Variants in RINT1 observed in about 807,000 individuals in gnomAD.
RINT1 encodes the protein RAD50-interacting protein 1.
In RINT1, 75 loss-of-function variants were observed where a neutral mutation model predicts 97.7. That is an observed-to-expected ratio of 0.77 (90% CI 0.64 to 0.93). RINT1 has a LOEUF of 0.93. RINT1 is among the 40% of genes least tolerant of loss of function. The probability of loss-of-function intolerance (pLI) is 0.00; values close to 1 mark genes in which losing one functional copy is unlikely to be tolerated. For missense variants in RINT1, 892 were observed against 925.2 expected (o/e 0.96, Z 0.47); for synonymous variants, 303 against 326.3 (o/e 0.93, Z 0.77).
chr7:105,532,342 C>G lies in RINT1; in HGVS notation c.27C>G (p.Ala9=), dbSNP rs1387923124. Residue 9 remains alanine, a synonymous_variant, in exon 1 of 15, where the codon GCC becomes GCG. Coordinates refer to ENST00000257700, the MANE Select transcript of RINT1 (RefSeq NM_021930.6). MLPAGEIG[A]SPAAPCCSES... ...TGCTACCAGCCGGCGAGATCGGCGC[C>G]TCTCCTGCAGCCCCGGTGAGACGGC... is the stretch of plus-strand genomic sequence containing the variant. 2 of 1,600,108 alleles carry G rather than the reference C, an allele frequency of 1.2e-6. No individual in the cohort carries two copies. Among genetic ancestry groups the G allele is most frequent in the Admixed American group, 3.4e-5 (2 of 58,592 alleles).
Position 105,563,801 on chromosome 7 carries a change from G to T in RINT1, c.1740G>T (p.Gln580His). 2 of 1,614,028 alleles carry T rather than the reference G, an allele frequency of 1.2e-6. No individual in the cohort carries two copies. The highest frequency in any genetic ancestry group is 4.5e-5 in the East Asian group (2 of 44,888). ...AGAATAATACTCTGAGTAAATTGCA[G>T]CTAGGACAGCTAGCCTCTATGGAGA... The part of the protein sequence containing the change: ...FAENNTLSKL[Q>H]LGQLASMESS... The change falls in exon 12 of 15, where the codon CAG becomes CAT. Residue 580 changes from glutamine (Q) to histidine (H), a missense_variant. Transcript: ENST00000257700.
At position 105,567,677 on chromosome 7, in the gene RINT1, C is replaced by A; in HGVS notation, c.*366C>A. ...TAGCCAATAAATTTTTTTAAAACTC[C>A]CTTTGAATGCATATTTGTAATTGAG... On this transcript the variant is annotated 3_prime_UTR_variant, in exon 15 of 15. Coordinates refer to ENST00000257700, the MANE Select transcript of RINT1 (RefSeq NM_021930.6). 1 of 519,032 alleles carries A rather than the reference C, an allele frequency of 1.9e-6. No homozygotes were observed. The highest frequency in any genetic ancestry group is 3.4e-6 in the Non-Finnish European group (1 of 295,884). 32.2% of individuals were successfully genotyped at this position (519,032 alleles called of 1,614,324 possible).
intron 2 of RINT1, chr7:105,535,731 TCTTG>T: frequency 1.5e-5 from 5 of 337,060 alleles, no homozygotes; most frequent in South Asian, 1.1e-4. Flanking sequence ...TTAGATGAAG[TCTTG>T]CTTTGTTGCC....
chr7:105,538,640 T>G (rs1030305268), intron 3 of RINT1, among the ~76,000 whole-genome samples: 3 of 152,230 alleles, frequency 2.0e-5, no homozygotes, highest in African/African-American at 7.2e-5. Flanking sequence ...CAACTGTTCT[T>G]TCAGATTCTG....
intron 11 of RINT1, among the ~76,000 whole-genome samples, chr7:105,556,584 T>C (rs1433956937): frequency 1.3e-5 from 2 of 152,088 alleles, no homozygotes; most frequent in African/African-American, 4.8e-5. Flanking sequence ...GGAAGGTATA[T>C]TTTAAATAAA....
chr7:105,535,567 T>C (rs1022360231), intron 2 of RINT1: 1 of 454,148 alleles, frequency 2.2e-6, no homozygotes, highest in Admixed American at 2.4e-5. Context: ...TTGTTTGTTT[T>C]TAAGAGATGA....
At position 105,555,205 on chromosome 7, in the gene RINT1, T is replaced by C; in HGVS notation, c.1649T>C (p.Leu550Pro). Residue 550 changes from leucine (L) to proline (P), a missense_variant, in exon 11 of 15, where the codon CTA becomes CCA. By Grantham distance (98) the Leu-to-Pro change is moderately conservative. Coordinates refer to ENST00000257700, the MANE Select transcript of RINT1 (RefSeq NM_021930.6). ...GCTGTGAACTACATCTCAACAGTAC[T>C]AGCAGATTGGGCTGACAATGTTGTG... is the stretch of plus-strand genomic sequence containing the variant. Reference protein sequence around the residue: ...LNAVNYISTVLADWADNVFFL... With the variant: ...LNAVNYISTVPADWADNVFFL... 3 of 1,613,788 alleles carry C rather than the reference T, an allele frequency of 1.9e-6. No individual in the cohort carries two copies. The South Asian group carries it at 3.3e-5, about 18-fold the overall frequency.
At chr7:105,549,514 A>G (rs1253542961) in intron 7 of RINT1, among the ~76,000 whole-genome samples, 1 of 151,660 alleles carries the variant, frequency 6.6e-6, no homozygotes, top group Non-Finnish European at 1.5e-5. Flanking sequence ...ACGCCCAGCT[A>G]ATTTTTGTAT....
intron 3 of RINT1, 33 bp from the exon 4 acceptor site, chr7:105,542,375 C>T (rs1425723718): frequency 1.4e-6 from 2 of 1,469,918 alleles, no homozygotes; most frequent in Non-Finnish European, 1.9e-6. Flanking sequence ...TGCTGCTGTT[C>T]TTTCTTTCTT....
At chr7:105,542,260 A>G (rs1181933171) in intron 3 of RINT1, 148 bp from the exon 4 acceptor site, 4 of 617,436 alleles carry the variant, frequency 6.5e-6, no homozygotes, top group African/African-American at 1.9e-5. Context: ...GGTTGAGCCC[A>G]GGAAGTCCAG....
intron 3 of RINT1, chr7:105,541,787 A>AT (rs760165382): frequency 6.6e-6 from 1 of 152,096 alleles, no homozygotes; most frequent in Non-Finnish European, 1.5e-5. Context: ...AAAAAATAAA[A>AT]TAAGTTTTCT....
chr7:105,557,518 A>G (rs1238270148), intron 11 of RINT1, among the ~76,000 whole-genome samples: 1 of 152,138 alleles, frequency 6.6e-6, no homozygotes, highest in East Asian at 1.9e-4. Flanking sequence ...GACATGTAAA[A>G]ACATTAAATG....
chr7:105,535,316 G>A (rs937430542), intron 2 of RINT1, among the ~76,000 whole-genome samples: 7 of 142,270 alleles, frequency 4.9e-5, no homozygotes, highest in Non-Finnish European at 7.5e-5. Context: ...TGCAACCTCC[G>A]CCTCCCGGGT....
chr7:105,532,385 G>C, intron 1 of RINT1, 28 bp downstream of exon 1: 1 of 1,594,308 alleles, frequency 6.3e-7, no homozygotes, highest in Non-Finnish European at 8.5e-7. Context: ...TCCCTGGGAG[G>C]GGACATTGGT....
intron 9 of RINT1, among the ~76,000 whole-genome samples, chr7:105,551,131 T>C (rs1312661548): frequency 2.0e-4 from 30 of 152,032 alleles, no homozygotes; most frequent in Admixed American, 2.0e-3. Context: ...GGGGCTCAGG[T>C]GATCCTCCTG....
chr7:105,532,371 G>A lies in RINT1; in HGVS notation c.42+14G>A. 1 of 1,599,258 alleles carries A rather than the reference G, an allele frequency of 6.3e-7. No homozygotes were observed. Among genetic ancestry groups the A allele is most frequent in the Non-Finnish European group, 8.5e-7 (1 of 1,174,400 alleles). On this transcript the variant is annotated intron_variant, in intron 1 of 14. Transcript: ENST00000257700. ...CCTGCAGCCCCGGTGAGACGGCCCT[G>A]GCGTCCCTGGGAGGGGACATTGGTG...
At chr7:105,565,748 G>C (rs1791699488) in intron 14 of RINT1, 100 bp downstream of exon 14, 3 of 753,454 alleles carry the variant, frequency 4.0e-6, no homozygotes, top group Admixed American at 5.3e-5. Context: ...GGTGGGATAA[G>C]ATCAGTTGAA....
chr7:105,553,357 C>T (rs1791019242), intron 10 of RINT1, among the ~76,000 whole-genome samples: 1 of 151,886 alleles, frequency 6.6e-6, no homozygotes, highest in African/African-American at 2.4e-5. Flanking sequence ...TCCTGAGTAG[C>T]TGGGATTACA....
chr7:105,537,734 G>A (rs1433686939), intron 3 of RINT1, among the ~76,000 whole-genome samples: 3 of 151,676 alleles, frequency 2.0e-5, no homozygotes, highest in East Asian at 2.0e-4. Context: ...TACTCGGGAG[G>A]CTGAGGCAGG....
Sources: allele counts gnomAD v4.1 joint callset (sites outside exome capture counted in the v4.1 genomes callset), GRCh38; gene constraint gnomAD v4.1.1; transcripts MANE v1.5; gene names NCBI Gene and HGNC (gene_info 2026-07-23, HGNC 2026-07-21).